KIF9: variants seen among roughly 807,000 people sequenced by gnomAD.
KIF9 encodes kinesin-like protein KIF9.
KIF9 carries 68 observed loss-of-function variants against 94.8 expected under a neutral mutation model. That is an observed-to-expected ratio of 0.72 (90% confidence interval 0.59 to 0.88). The LOEUF is 0.88. Ranked by LOEUF, KIF9 falls within the 40% of genes least tolerant of loss-of-function variation. The pLI is 0.00. For missense variants in KIF9, 882 were observed against 982.5 expected (o/e 0.90, Z 1.37); for synonymous variants, 343 against 362.1 (o/e 0.95, Z 0.60).
chr3:47,248,274 T>C, intron 10 of KIF9, 188 bp from the exon 11 acceptor site: 1 of 596,926 alleles, frequency 1.7e-6, no homozygotes, highest in South Asian at 1.9e-5. Flanking sequence ...CTAACTGGGG[T>C]GAGTTTAGGG....
At chr3:47,264,488 G>A in intron 8 of KIF9, 138 bp from the exon 9 acceptor site, 1 of 648,452 alleles carries the variant, frequency 1.5e-6, no homozygotes. Context: ...CCAGGCTGTA[G>A]TGCAGTGACA....
intron 17 of KIF9, chr3:47,238,656 T>G (rs1699229809): frequency 6.6e-6 from 1 of 152,056 alleles, no homozygotes; most frequent in African/African-American, 2.4e-5. Flanking sequence ...TTAATACTGA[T>G]AAATTTTTTT....
chr3:47,251,485 AC>A (rs1700267518), intron 10 of KIF9, among the ~76,000 whole-genome samples: 1 of 152,028 alleles, frequency 6.6e-6, no homozygotes, highest in Non-Finnish European at 1.5e-5. Context: ...AATGGCTTGA[AC>A]CCGGGAGGCA....
chr3:47,269,908 T>C (rs755505860), intron 5 of KIF9, among the ~76,000 whole-genome samples: 3 of 151,842 alleles, frequency 2.0e-5, no homozygotes, highest in Non-Finnish European at 4.4e-5. Context: ...CCTGAGTAGT[T>C]GGGAGTTAGC....
Position 47,235,585 on chromosome 3 carries a change from C to A in KIF9, c.2250G>T (p.Leu750=), listed in dbSNP as rs770017686. Reference sequence around the variant, plus strand: ...GGCCCTCAGGAAGCACCCTCTGCTGCAGCTGGCTGAATTTGTCCTGGTCAT... The same window carrying A: ...GGCCCTCAGGAAGCACCCTCTGCTGAAGCTGGCTGAATTTGTCCTGGTCAT... ...GEDDQDKFSQ[L]QQRVLPEGPD... Residue 750 remains leucine (L), a synonymous_variant, in exon 20 of 21, where the codon CTG becomes CTT. Coordinates refer to ENST00000684063, the MANE Select transcript of KIF9 (RefSeq NM_182902.4). 9 of 1,614,016 alleles carry A rather than the reference C, an allele frequency of 5.6e-6. 1 individual carries two copies. In the Middle Eastern group the frequency reaches 4.9e-4, roughly 88 times the overall value.
intron 17 of KIF9, 84 bp downstream of exon 17, chr3:47,240,717 C>T (rs1390671194): frequency 8.5e-7 from 1 of 1,174,282 alleles, no homozygotes; most frequent in African/African-American, 1.5e-5. Flanking sequence ...CCATCTCAGA[C>T]CTCTAGTGCC....
chr3:47,243,604 C>A (rs767080874), intron 15 of KIF9: 59 of 171,248 alleles, frequency 3.4e-4, no homozygotes, highest in African/African-American at 1.3e-3. Flanking sequence ...TACAGGCTTC[C>A]CCGGGAAGGA....
intron 20 of KIF9, among the ~76,000 whole-genome samples, chr3:47,231,200 G>C (rs1231005473): frequency 6.6e-6 from 1 of 151,948 alleles, no homozygotes; most frequent in African/African-American, 2.4e-5. Flanking sequence ...AAAAGATAAC[G>C]GTTCCAATAT....
At chr3:47,250,331 G>C (rs1481032680) in intron 10 of KIF9, among the ~76,000 whole-genome samples, 1 of 152,148 alleles carries the variant, frequency 6.6e-6, no homozygotes, top group East Asian at 1.9e-4. Flanking sequence ...GTATTAAACA[G>C]TGAAACTTTA....
intron 10 of KIF9, among the ~76,000 whole-genome samples, chr3:47,248,452 T>A (rs1700069336): frequency 6.6e-6 from 1 of 152,100 alleles, no homozygotes; most frequent in Non-Finnish European, 1.5e-5. Flanking sequence ...ATGCTTTCTT[T>A]TTTTTTTGAG....
At chr3:47,282,096 G>T in intron 1 of KIF9, 1 of 670,960 alleles carries the variant, frequency 1.5e-6, no homozygotes, top group East Asian at 1.3e-4. Flanking sequence ...GGCGGCAGTG[G>T]GCTTTGGACC....
At chr3:47,276,034 G>A (rs1348081422) in intron 2 of KIF9, among the ~76,000 whole-genome samples, 1 of 152,136 alleles carries the variant, frequency 6.6e-6, no homozygotes, top group Non-Finnish European at 1.5e-5. Flanking sequence ...CTCAGACATA[G>A]GAATTAAGAG....
Position 47,247,254 on chromosome 3 carries a change from C to T in KIF9, c.1233+119G>A, listed in dbSNP as rs1276346421. Reference sequence around the variant, plus strand: ...CTGACATCAAGAGTCCAGCACCACCCTCCACCCACTGCACCCATTCACATG... The same window carrying T: ...CTGACATCAAGAGTCCAGCACCACCTTCCACCCACTGCACCCATTCACATG... On this transcript the variant is annotated intron_variant, in intron 12 of 20. Coordinates refer to ENST00000684063, the MANE Select transcript of KIF9 (RefSeq NM_182902.4). The T allele has an allele frequency of 4.4e-6, 3 of 681,528 alleles. No individual in the cohort carries two copies. In the African/African-American group the frequency reaches 5.2e-5, roughly 12 times the overall value. 42.2% of individuals were successfully genotyped at this position (681,528 alleles called of 1,614,324 possible). A position where few individuals can be genotyped will look rare whatever the true frequency, so the allele number is the denominator to read the frequency against.
At chr3:47,236,684 A>G in intron 17 of KIF9, 65 bp from the exon 18 acceptor site, 1 of 1,463,462 alleles carries the variant, frequency 6.8e-7, no homozygotes, top group Non-Finnish European at 9.5e-7. Flanking sequence ...GGAGGAAGGG[A>G]TTCCAGAAGG....
intron 1 of KIF9, among the ~76,000 whole-genome samples, chr3:47,280,274 T>A (rs1006933565): frequency 1.3e-5 from 2 of 152,170 alleles, no homozygotes; most frequent in African/African-American, 4.8e-5. Flanking sequence ...CAAGGGCCCA[T>A]TCTCCTGCCC....
At chr3:47,245,726 T>C (rs2107224665) in intron 13 of KIF9, 1 of 571,606 alleles carries the variant, frequency 1.7e-6, no homozygotes, top group Non-Finnish European at 3.1e-6. Flanking sequence ...CCACAAGGGC[T>C]ACCTTATGTC....
At chr3:47,246,521 G>T in intron 12 of KIF9, 1 of 234,598 alleles carries the variant, frequency 4.3e-6, no homozygotes, top group South Asian at 1.8e-4. Context: ...AAAATGAAAT[G>T]ATTCTATACC....
Position 47,236,356 on chromosome 3 carries a change from C to T in KIF9, c.2101+87G>A, listed in dbSNP as rs1231273607. 2.1e-6 allele frequency: 3 copies of T among 1,446,618 alleles called. No individual in the cohort carries two copies. The African/African-American group carries it at 4.2e-5, about 20-fold the overall frequency. 89.6% of individuals were successfully genotyped at this position (1,446,618 alleles called of 1,614,324 possible). A position where few individuals can be genotyped will look rare whatever the true frequency, so the allele number is the denominator to read the frequency against. On this transcript the variant is annotated intron_variant, in intron 18 of 20. Transcript: ENST00000684063. Reference sequence around the variant, plus strand: ...CCCCTGGCTCTGCCAGAGAGAAACTCTGAGGGTGCTTCCAGAACTCAGGCT... The same window carrying T: ...CCCCTGGCTCTGCCAGAGAGAAACTTTGAGGGTGCTTCCAGAACTCAGGCT...
chr3:47,273,400 A>G, intron 4 of KIF9, 152 bp downstream of exon 4: 1 of 580,202 alleles, frequency 1.7e-6, no homozygotes, highest in Admixed American at 3.4e-5. Flanking sequence ...CTGACTCCAG[A>G]GCCCTGTGTA....
Sources: allele counts gnomAD v4.1 joint callset (sites outside exome capture counted in the v4.1 genomes callset), GRCh38; gene constraint gnomAD v4.1.1; transcripts MANE v1.5; gene names NCBI Gene and HGNC (gene_info 2026-07-23, HGNC 2026-07-21).